Variants in PCED1B observed in about 807,000 individuals in gnomAD.
The protein encoded by PCED1B is PC-esterase domain containing 1B, also known as PC-esterase domain-containing protein 1B.
For synonymous variants in PCED1B, 251 were observed against 246.1 expected (o/e 1.02, Z -0.19); for missense variants, 573 against 573.9 (o/e 1.00, Z 0.02).
chr12:47,203,255 C>A (rs1301899836), intron 2 of PCED1B, among the ~76,000 whole-genome samples: 1 of 152,116 alleles, frequency 6.6e-6, no homozygotes, highest in African/African-American at 2.4e-5. Context: ...CAGGCATGAG[C>A]CACCGTGCCC....
At chr12:47,194,474 G>A (rs905789238) in intron 2 of PCED1B, among the ~76,000 whole-genome samples, 18 of 152,092 alleles carry the variant, frequency 1.2e-4, no homozygotes, top group African/African-American at 4.3e-4. Context: ...CACCTTGCTG[G>A]GATGGGTCTC....
chr12:47,138,549 T>A (rs922131741), intron 2 of PCED1B, among the ~76,000 whole-genome samples: 2 of 152,232 alleles, frequency 1.3e-5, no homozygotes, highest in African/African-American at 4.8e-5. Context: ...CTTAGAAGAT[T>A]CTATATGTTC....
intron 2 of PCED1B, among the ~76,000 whole-genome samples, chr12:47,109,958 A>G (rs1378967007): frequency 2.6e-5 from 4 of 152,170 alleles, no homozygotes; most frequent in African/African-American, 9.7e-5. Context: ...CCATGTTGAA[A>G]TTTGGGCAGT....
intron 1 of PCED1B, among the ~76,000 whole-genome samples, chr12:47,101,967 A>T (rs1389378858): frequency 6.6e-6 from 1 of 152,114 alleles, no homozygotes; most frequent in African/African-American, 2.4e-5. Context: ...AGGAGGGGGA[A>T]GATTTGAATT....
intron 2 of PCED1B, among the ~76,000 whole-genome samples, chr12:47,202,076 T>A (rs1942780728): frequency 6.6e-6 from 1 of 152,212 alleles, no homozygotes; most frequent in Non-Finnish European, 1.5e-5. Context: ...TCTATATTCA[T>A]TGTAAGCACC....
chr12:47,136,911 G>A (rs1032368199), intron 2 of PCED1B, among the ~76,000 whole-genome samples: 3 of 152,118 alleles, frequency 2.0e-5, no homozygotes, highest in Admixed American at 6.5e-5. Context: ...ATGTGCCACC[G>A]TCACTCCTTT....
chr12:47,235,763 G>A lies in PCED1B; in HGVS notation c.700G>A (p.Gly234Arg). 6 of 1,595,232 alleles carry A rather than the reference G, an allele frequency of 3.8e-6. No homozygotes were observed. The highest frequency in any genetic ancestry group is 5.1e-6 in the Non-Finnish European group (6 of 1,171,230). The change falls in exon 4 of 4, where the codon GGA becomes AGA. Residue 234 changes from glycine (G) to arginine (R), a missense_variant. By Grantham distance (125) the Gly-to-Arg change is moderately radical (BLOSUM62 -2). Transcript: ENST00000546455. ...GCACTGGGACGGGGTGCACTGGAAT[G>A]GACGTGTGCACCGCTGCCTCTCCCA... Reference protein sequence around the residue: ...NLHWDGVHWNGRVHRCLSQLL... With the variant: ...NLHWDGVHWNRRVHRCLSQLL...
chr12:47,202,734 A>G (rs943317553), intron 2 of PCED1B, among the ~76,000 whole-genome samples: 15 of 151,864 alleles, frequency 9.9e-5, no homozygotes, highest in African/African-American at 3.6e-4. Flanking sequence ...ATATATATTT[A>G]CAGTTTTTTT....
chr12:47,216,214 C>T lies in PCED1B; in HGVS notation c.-525-8C>T, dbSNP rs893425677. 1 of 152,226 alleles carries T rather than the reference C, an allele frequency of 6.6e-6. No homozygotes were observed. The allele number at this position is 152,226 out of a possible 1,614,324, so 9.4% of individuals were successfully genotyped here. ...CTTCCTCCTTTCCCCTTCTGACCAT[C>T]TTTTCAGCCGTGAACATACCACACC... On this transcript the variant is annotated splice_polypyrimidine_tract_variant and splice_region_variant and intron_variant, in intron 2 of 3. Coordinates refer to ENST00000546455, the MANE Select transcript of PCED1B (RefSeq NM_138371.3).
intron 3 of PCED1B, among the ~76,000 whole-genome samples, chr12:47,230,978 A>T (rs996280907): frequency 1.3e-5 from 2 of 152,214 alleles, no homozygotes; most frequent in Non-Finnish European, 2.9e-5. Context: ...CATTTTACAG[A>T]TCTGGAAAAT....
At chr12:47,188,094 C>T (rs1320147127) in intron 2 of PCED1B, among the ~76,000 whole-genome samples, 1 of 152,128 alleles carries the variant, frequency 6.6e-6, no homozygotes, top group African/African-American at 2.4e-5. Flanking sequence ...CCAGACATAC[C>T]TCTGTCATGG....
At position 47,235,197 on chromosome 12, in the gene PCED1B, C is replaced by G. The variant is rs754261820; in HGVS notation, c.134C>G (p.Pro45Arg). 5.6e-6 allele frequency: 9 copies of G among 1,602,096 alleles called. No homozygotes were observed. In the Admixed American group the frequency reaches 1.3e-4, roughly 24 times the overall value. Reference protein sequence around the residue: ...LLLQKDRLLTPGQLRARGELN... With the variant: ...LLLQKDRLLTRGQLRARGELN... ...CTGCAGAAGGACCGCCTGCTCACTC[C>G]CGGGCAGCTTAGAGCAAGGGGGGAG... The change falls in exon 4 of 4, where the codon CCC (proline) becomes CGC (arginine). Residue 45 changes from proline (P) to arginine (R), a missense_variant. By Grantham distance (103) the Pro-to-Arg change is moderately radical (BLOSUM62 -2). Coordinates refer to ENST00000546455, the MANE Select transcript of PCED1B (RefSeq NM_138371.3).
intron 2 of PCED1B, among the ~76,000 whole-genome samples, chr12:47,188,574 C>T (rs1413363935): frequency 6.6e-6 from 1 of 152,170 alleles, no homozygotes; most frequent in African/African-American, 2.4e-5. Context: ...TACTGCTTCT[C>T]AGAGTTAAGG....
chr12:47,218,974 C>G (rs1174119495), intron 3 of PCED1B, among the ~76,000 whole-genome samples: 1 of 152,052 alleles, frequency 6.6e-6, no homozygotes, highest in Non-Finnish European at 1.5e-5. Flanking sequence ...AACTCCGCCT[C>G]TACTAAAAAT....
intron 3 of PCED1B, chr12:47,223,993 C>T (rs12367393): frequency 0.23 from 34,474 of 152,182 alleles, 4,616 homozygotes; most frequent in Middle Eastern, 0.32. Context: ...GCAGAGTCCA[C>T]GTCTGGCTTC....
intron 2 of PCED1B, among the ~76,000 whole-genome samples, chr12:47,144,715 G>A (rs955005759): frequency 1.3e-5 from 2 of 152,104 alleles, no homozygotes; most frequent in Non-Finnish European, 1.5e-5. Flanking sequence ...AAATATAAAA[G>A]AGGTACAGTG....
chr12:47,212,205 G>A (rs1035750134), intron 2 of PCED1B, among the ~76,000 whole-genome samples: 1 of 152,110 alleles, frequency 6.6e-6, no homozygotes, highest in South Asian at 2.1e-4. Context: ...ACTTGAGCCC[G>A]GAGGTGGAGG....
chr12:47,086,085 A>G (rs1432024760), intron 1 of PCED1B, among the ~76,000 whole-genome samples: 1 of 152,150 alleles, frequency 6.6e-6, no homozygotes, highest in African/African-American at 2.4e-5. Flanking sequence ...ATAGCCATAC[A>G]AGTCTGACTA....
rs1473234043 is a variant in PCED1B at position 47,180,970 on chromosome 12, G to C, written c.-525-35252G>C. Among the ~76,000 whole-genome samples the C allele has an allele frequency of 6.0e-5, 9 of 148,986 alleles. No homozygotes were observed. In the Admixed American group the frequency reaches 6.1e-4, roughly 10 times the overall value. On this transcript the variant is annotated intron_variant, in intron 2 of 3. Coordinates refer to ENST00000546455, the MANE Select transcript of PCED1B (RefSeq NM_138371.3). ...AGGGAGTTAGGTTCTGGTTAGTGAA[G>C]GTATTTTCAACTGTATTCTCTTTTT...
Sources: gnomAD v4.1 joint callset for allele counts (sites outside exome capture counted in the v4.1 genomes callset) on GRCh38, gnomAD v4.1.1 for gene constraint, MANE v1.5 for transcripts, NCBI Gene and HGNC (gene_info 2026-07-23, HGNC 2026-07-21) for gene names.